The following HGFAC variants were observed in gnomAD, a reference collection of about 807,000 sequenced individuals.
The protein encoded by HGFAC is hepatocyte growth factor activator serine protease.
Under a neutral mutation model 70.6 loss-of-function variants are expected in HGFAC, and 76 were observed. That is an observed-to-expected ratio of 1.08 (90% CI 0.89 to 1.30). The LOEUF is 1.30. Among genes scored for constraint, HGFAC ranks in the 50% most tolerant of loss-of-function variants. The pLI is 0.00. For missense variants in HGFAC, 1,044 were observed against 933.7 expected, an observed-to-expected ratio of 1.12 and a Z score of -1.54; for synonymous variants, 464 against 405.3, an observed-to-expected ratio of 1.14 and a Z score of -1.74.
At chr4:3,444,519 T>G (rs1335796202) in intron 6 of HGFAC, 77 bp downstream of exon 6, 3 of 1,513,882 alleles carry the variant, frequency 2.0e-6, no homozygotes, top group Non-Finnish European at 2.7e-6. Flanking sequence ...AGGAATGGCC[T>G]GAGGTCACCC....
rs1346406984 is a variant in HGFAC, at chr4:3,444,882, C to T, written c.905C>T (p.Ala302Val). Reference sequence around the variant, plus strand: ...TACCGTGGCGTGGCCAGCACCTCAGCCTCGGGCCTCAGCTGCCTGGCCTGG... The same window carrying T: ...TACCGTGGCGTGGCCAGCACCTCAGTCTCGGGCCTCAGCTGCCTGGCCTGG... ...TGYRGVASTSASGLSCLAWNS... is the reference protein window; with the variant it reads ...TGYRGVASTSVSGLSCLAWNS... The change falls in exon 8 of 14, where the codon GCC (alanine) becomes GTC (valine). Residue 302 changes from alanine to valine, a missense_variant. Coordinates refer to ENST00000382774, the MANE Select transcript of HGFAC (RefSeq NM_001528.4). 2.5e-6 allele frequency: 4 copies of T among 1,608,330 alleles called. No individual in the cohort carries two copies. The African/African-American group carries it at 5.3e-5, about 21-fold the overall frequency.
In HGFAC at chr4:3,442,041, C is replaced by T. The variant is rs748884956; in HGVS notation, c.40C>T (p.Pro14Ser). ...CTGGGTCCCCAGCCCCTGGCCCCCACCGGGGCTGGGCCCCTTCCTCCTCCT... is the reference window on the plus strand; with the variant it reads ...CTGGGTCCCCAGCCCCTGGCCCCCATCGGGGCTGGGCCCCTTCCTCCTCCT... Reference protein sequence around the residue: ...WAWVPSPWPPPGLGPFLLLLL... With the variant: ...WAWVPSPWPPSGLGPFLLLLL... Residue 14 changes from proline to serine, a missense_variant, in exon 1 of 14, where the codon CCG (proline) becomes TCG (serine). Pro to Ser is a moderately conservative substitution (Grantham distance 74, BLOSUM62 -1). Transcript: ENST00000382774. 4 of 1,530,000 alleles carry T rather than the reference C, an allele frequency of 2.6e-6. No individual in the cohort carries two copies. The highest frequency in any genetic ancestry group is 3.5e-6 in the Non-Finnish European group (4 of 1,155,206). The allele number at this position is 1,530,000 out of a possible 1,614,324, so 94.8% of individuals were successfully genotyped here.
At chr4:3,444,526 A>C in intron 6 of HGFAC, 84 bp downstream of exon 6, 1 of 1,507,942 alleles carries the variant, frequency 6.6e-7, no homozygotes. Context: ...GCCTGAGGTC[A>C]CCCAGAAACA....
Position 3,447,474 on chromosome 4 carries a change from C to T in HGFAC, c.1356-18C>T, listed in dbSNP as rs1725549386. The T allele has an allele frequency of 1.2e-6, 2 of 1,612,042 alleles. No individual in the cohort carries two copies. Among genetic ancestry groups the T allele is most frequent in the Non-Finnish European group, 1.7e-6 (2 of 1,179,536 alleles). On this transcript the variant is annotated intron_variant, in intron 10 of 13. Coordinates refer to ENST00000382774, the MANE Select transcript of HGFAC (RefSeq NM_001528.4). ...GGGGGAGGGCTGGTCCATGCAGCCT[C>T]CAGCCCCCCTTGCACAGCCCCCCCA...
Position 3,444,647 on chromosome 4 carries a change from AC to A in HGFAC, c.756del (p.Asn252LysfsTer7), listed in dbSNP as rs757312857. The A allele has an allele frequency of 1.3e-6, 2 of 1,597,492 alleles. No individual in the cohort carries two copies. Among genetic ancestry groups the A allele is most frequent in the Non-Finnish European group, 1.7e-6 (2 of 1,178,028 alleles). Reference sequence around the variant, plus strand: ...GCTTGTCTGAGCAGCCCTTGCCTGAACGGGGGCACCTGCCACCTGATCGTGG... The same window carrying A: ...GCTTGTCTGAGCAGCCCTTGCCTGAAGGGGGCACCTGCCACCTGATCGTGG... ...HTACLSSPCL[N>X]GGTCHLIVAT... is the part of the protein sequence containing the mutation. On this transcript the variant is annotated frameshift_variant, in exon 7 of 14. Transcript: ENST00000382774. LOFTEE classifies it high-confidence loss of function.
At chr4:3,443,441 C>A (rs1387805315) in intron 4 of HGFAC, 21 bp downstream of exon 4, 3 of 1,417,468 alleles carry the variant, frequency 2.1e-6, no homozygotes, top group Non-Finnish European at 2.8e-6. Flanking sequence ...GGTTGGGTAG[C>A]CTGGGGCGGG....
intron 8 of HGFAC, 111 bp from the exon 9 acceptor site, chr4:3,445,154 C>A: frequency 1.5e-6 from 2 of 1,291,730 alleles, no homozygotes; most frequent in South Asian, 1.3e-5. Flanking sequence ...CACTCTCTTC[C>A]CACTGCTCCA....
intron 1 of HGFAC, 32 bp downstream of exon 1, chr4:3,442,150 A>C (rs1725337624): frequency 6.6e-7 from 1 of 1,507,868 alleles, no homozygotes; most frequent in East Asian, 2.5e-5. Flanking sequence ...GTGCGACCAG[A>C]GGTTCCCAGT....
Position 3,444,125 on chromosome 4 carries a change from T to G in HGFAC, c.562T>G (p.Cys188Gly), listed in dbSNP as rs1169435019. The change falls in exon 5 of 14, where the codon TGC becomes GGC. Residue 188 changes from cysteine to glycine, a missense_variant. Cys to Gly is a radical substitution (Grantham distance 159, BLOSUM62 -3). Coordinates refer to ENST00000382774, the MANE Select transcript of HGFAC (RefSeq NM_001528.4). Reference protein sequence around the residue: ...TQDPQSYHCSCPRAFTGKDCG... With the variant: ...TQDPQSYHCSGPRAFTGKDCG... ...GGACCCCCAGTCCTATCACTGCAGC[T>G]GCCCCCGGGCCTTCACCGGCAAGGA... The G allele has an allele frequency of 6.2e-7, 1 of 1,611,856 alleles. No individual in the cohort carries two copies. The highest frequency in any genetic ancestry group is 8.5e-7 in the Non-Finnish European group (1 of 1,179,528).
In HGFAC at chr4:3,443,358, A is replaced by G. The variant is rs1725379743; in HGVS notation, c.413A>G (p.Asn138Ser). The change falls in exon 4 of 14, where the codon AAC becomes AGC. Residue 138 changes from asparagine (N) to serine (S), a missense_variant. Asn to Ser is a conservative substitution (Grantham distance 46). Transcript: ENST00000382774. ...AHRKWCATTH[N>S]YDRDRAWGYC... ...CCCCCCAGGTGTGCCACAACTCACA[A>G]CTACGACCGGGACAGGGCCTGGGGC... 2.6e-6 allele frequency: 4 copies of G among 1,541,196 alleles called. No homozygotes were observed. The highest frequency in any genetic ancestry group is 1.2e-5 in the South Asian group (1 of 82,806).
intron 9 of HGFAC, 60 bp downstream of exon 9, chr4:3,445,410 G>T: frequency 8.3e-7 from 1 of 1,200,470 alleles, no homozygotes. Context: ...AGTTTTCCCC[G>T]TGATCCTCCT....
chr4:3,448,375 C>A, intron 13 of HGFAC, 99 bp downstream of exon 13: 2 of 1,422,538 alleles, frequency 1.4e-6, no homozygotes, highest in African/African-American at 1.4e-5. Context: ...AGCCTGGCGG[C>A]ACCCCAACCT....
At chr4:3,445,935 G>A (rs1420399609) in intron 9 of HGFAC, 107 bp from the exon 10 acceptor site, 4 of 1,556,342 alleles carry the variant, frequency 2.6e-6, no homozygotes, top group South Asian at 2.4e-5. Context: ...TGGACAGGGG[G>A]TCCGGCCATG....
In HGFAC at chr4:3,449,386, A is replaced by C; in HGVS notation, c.1935A>C (p.Ile645=). Residue 645 remains isoleucine, a synonymous_variant, in exon 14 of 14, where the codon ATA becomes ATC. Coordinates refer to ENST00000382774, the MANE Select transcript of HGFAC (RefSeq NM_001528.4). ...ATGTGGACTGGATCAACGACCGGATACGGCCTCCCAGGCGGCTTGTGGCTC... is the reference window on the plus strand; with the variant it reads ...ATGTGGACTGGATCAACGACCGGATCCGGCCTCCCAGGCGGCTTGTGGCTC... ...ANYVDWINDR[I]RPPRRLVAPS is the part of the protein sequence containing the mutation. 6.3e-7 allele frequency: 1 copy of C among 1,578,350 alleles called. No homozygotes were observed. The highest frequency in any genetic ancestry group is 8.6e-7 in the Non-Finnish European group (1 of 1,158,700).
intron 8 of HGFAC, 55 bp downstream of exon 8, chr4:3,445,048 G>T: frequency 6.7e-7 from 1 of 1,482,496 alleles, no homozygotes; most frequent in Non-Finnish European, 9.0e-7. Context: ...GATTTGTCCT[G>T]GGGAGAGGCC....
In HGFAC at chr4:3,444,925, C is replaced by T; in HGVS notation, c.948C>T (p.Tyr316=). Reference sequence around the variant, plus strand: ...TGGCCTGGAACTCCGATCTGCTCTACCAGGAGCTGCACGTGGACTCCGTGG... The same window carrying T: ...TGGCCTGGAACTCCGATCTGCTCTATCAGGAGCTGCACGTGGACTCCGTGG... ...SCLAWNSDLL[Y]QELHVDSVGA... is the part of the protein sequence containing the mutation. Residue 316 remains tyrosine (Y), a synonymous_variant, in exon 8 of 14, where the codon TAC becomes TAT. Coordinates refer to ENST00000382774, the MANE Select transcript of HGFAC (RefSeq NM_001528.4). 6.2e-7 allele frequency: 1 copy of T among 1,609,592 alleles called. No individual in the cohort carries two copies. Among genetic ancestry groups the T allele is most frequent in the East Asian group, 2.2e-5 (1 of 44,810 alleles).
Position 3,442,914 on chromosome 4 carries a change from TG to T in HGFAC, c.298+5del. The stretch of plus-strand genomic sequence containing the variant: ...CGAGCAGTAGCCCCCAGGCCCAAGG[TG>T]GGTCAGGTGGGCCTGGGAGGAGGTG... On this transcript the variant is annotated splice_donor_region_variant and intron_variant, in intron 2 of 13. Transcript: ENST00000382774. 6.4e-7 allele frequency: 1 copy of T among 1,558,842 alleles called. No homozygotes were observed.
At chr4:3,445,144 C>T in intron 8 of HGFAC, 121 bp from the exon 9 acceptor site, 1 of 1,277,482 alleles carries the variant, frequency 7.8e-7, no homozygotes, top group South Asian at 1.4e-5. Flanking sequence ...GAGGGAGGGC[C>T]ACTCTCTTCC....
chr4:3,445,824 C>T, intron 9 of HGFAC: 2 of 1,495,552 alleles, frequency 1.3e-6, no homozygotes, highest in South Asian at 2.4e-5. Context: ...TGTGTCCAGC[C>T]CCTCTGGCCC....
Sources: allele counts gnomAD v4.1 joint callset, GRCh38; gene constraint gnomAD v4.1.1; transcripts MANE v1.5; gene names NCBI Gene and HGNC (gene_info 2026-07-23, HGNC 2026-07-21).